MTRES1: variants seen among roughly 807,000 people sequenced by gnomAD.
MTRES1 encodes mitochondrial transcription rescue factor 1, also known as uncharacterized protein C6orf203.
In MTRES1, 11 loss-of-function variants were observed where a neutral mutation model predicts 17.4. The ratio of observed to expected loss-of-function variants is 0.63; its 90% CI spans 0.40 to 1.05. The LOEUF is 1.05. MTRES1 is among the 50% of genes least tolerant of loss of function. The pLI is 0.00. For synonymous variants in MTRES1, 94 were observed against 99.6 expected, an observed-to-expected ratio of 0.94 and a Z score of 0.34; for missense variants, 268 against 276.2, an observed-to-expected ratio of 0.97 and a Z score of 0.21.
chr6:107,042,740 A>G (rs1486412617), intron 2 of MTRES1, among the ~76,000 whole-genome samples: 1 of 152,122 alleles, frequency 6.6e-6, no homozygotes, highest in Non-Finnish European at 1.5e-5. Flanking sequence ...AGGGGAAGGA[A>G]GTGCCCACTC....
In MTRES1 at chr6:107,048,762, C is replaced by T. The variant is rs191207475; in HGVS notation, c.544-2295C>T. Among the ~76,000 whole-genome samples the T allele has an allele frequency of 1.8e-4, 24 of 130,396 alleles. 1 individual carries two copies. Among genetic ancestry groups the T allele is most frequent in the African/African-American group, 3.2e-4 (11 of 34,580 alleles). 85.5% of individuals were successfully genotyped at this position (130,396 alleles called of 152,430 possible). On this transcript the variant is annotated intron_variant, in intron 3 of 3. Transcript: ENST00000311381. ...ACCACTGCACTCCAGCCTGGTGACA[C>T]GGTGAGACTCCATGTCAAAAAAAAA...
intron 1 of MTRES1, among the ~76,000 whole-genome samples, chr6:107,036,318 C>T (rs1554226929): frequency 2.0e-5 from 3 of 151,924 alleles, no homozygotes; most frequent in Non-Finnish European, 1.5e-5. Flanking sequence ...CTGAGGCGGA[C>T]AGATCACCTG....
At chr6:107,040,467 G>C (rs782440632) in intron 2 of MTRES1, 3 of 315,110 alleles carry the variant, frequency 9.5e-6, no homozygotes, top group Non-Finnish European at 1.2e-5. Flanking sequence ...TTGACTGTAA[G>C]ATGAACCATT....
rs190365405 is a variant in MTRES1, at chr6:107,029,727, G to A, written c.-13+1456G>A. Among the ~76,000 whole-genome samples, 10 of 151,332 alleles carry A rather than the reference G, an allele frequency of 6.6e-5. No homozygotes were observed. In the East Asian group the frequency reaches 1.8e-3, roughly 27 times the overall value. ...TTGAACTCCTGGCCTCAAGTGATCC[G>A]CCCGCCTCAGCCTCCCCAAGTACTG... On this transcript the variant is annotated intron_variant, in intron 1 of 3. Coordinates refer to ENST00000311381, the MANE Select transcript of MTRES1 (RefSeq NM_016487.5).
intron 1 of MTRES1, among the ~76,000 whole-genome samples, chr6:107,038,454 T>G (rs1472443493): frequency 2.0e-5 from 3 of 152,168 alleles, no homozygotes; most frequent in African/African-American, 7.2e-5. Context: ...AGGAGTTGAT[T>G]GCCCTCTGAC....
chr6:107,049,233 C>A (rs1210755099), intron 3 of MTRES1, among the ~76,000 whole-genome samples: 5 of 152,046 alleles, frequency 3.3e-5, no homozygotes, highest in African/African-American at 1.2e-4. Flanking sequence ...AACAGAAGCC[C>A]TCTAGTAGCC....
intron 1 of MTRES1, among the ~76,000 whole-genome samples, chr6:107,035,924 C>CCTCCCA: frequency 6.6e-6 from 1 of 152,188 alleles, no homozygotes; most frequent in South Asian, 2.1e-4. Context: ...GCTGGGATTA[C>CCTCCCA]AGGTGTGAAC....
intron 3 of MTRES1, 57 bp from the exon 4 acceptor site, chr6:107,051,000 G>A (rs1774584945): frequency 5.7e-6 from 8 of 1,414,574 alleles, no homozygotes; most frequent in South Asian, 4.9e-5. Flanking sequence ...AGTAATGTTT[G>A]CATTGGCCTG....
Position 107,040,218 on chromosome 6 carries a change from A to G in MTRES1, c.458A>G (p.Asp153Gly), listed in dbSNP as rs782598736. The G allele has an allele frequency of 1.9e-6, 3 of 1,588,814 alleles. No homozygotes were observed. Among genetic ancestry groups the G allele is most frequent in the Middle Eastern group, 1.7e-4 (1 of 5,932 alleles). Residue 153 changes from aspartate (D) to glycine (G), a missense_variant, in exon 2 of 4, where the codon GAT becomes GGT. Transcript: ENST00000311381. ...GATGTTGTCCTGAAGACGGGGCTAG[A>G]TATTGGGAGAAAGTGAGTATGATAC... is the stretch of plus-strand genomic sequence containing the variant. ...RYDVVLKTGLDIGRNKVEDAF... is the reference protein window; with the variant it reads ...RYDVVLKTGLGIGRNKVEDAF...
At chr6:107,050,017 G>A (rs1395934231) in intron 3 of MTRES1, among the ~76,000 whole-genome samples, 2 of 152,124 alleles carry the variant, frequency 1.3e-5, no homozygotes, top group Admixed American at 6.6e-5. Context: ...CACTGTGCTC[G>A]GCCCTGTTTG....
intron 1 of MTRES1, 87 bp from the exon 2 acceptor site, chr6:107,039,662 A>AG: frequency 7.2e-7 from 1 of 1,385,548 alleles, no homozygotes; most frequent in South Asian, 1.4e-5. Context: ...TACTGTACAT[A>AG]AAGCGTTCAT....
chr6:107,041,675 A>G (rs992390117), intron 2 of MTRES1, among the ~76,000 whole-genome samples: 2 of 151,900 alleles, frequency 1.3e-5, no homozygotes, highest in Admixed American at 6.6e-5. Flanking sequence ...ACAGGCGCCC[A>G]CCACCACGCC....
chr6:107,043,507 T>C (rs1554228032), intron 2 of MTRES1, among the ~76,000 whole-genome samples: 1 of 152,176 alleles, frequency 6.6e-6, no homozygotes, highest in East Asian at 1.9e-4. Context: ...ACTTAACTAC[T>C]AATATAGCCT....
chr6:107,028,933 C>T, intron 1 of MTRES1: 1 of 954,352 alleles, frequency 1.0e-6, no homozygotes, highest in Non-Finnish European at 1.2e-6. Flanking sequence ...AGGTCACTTC[C>T]CAGGGTCCAT....
At chr6:107,035,539 G>A (rs1773979990) in intron 1 of MTRES1, among the ~76,000 whole-genome samples, 1 of 152,108 alleles carries the variant, frequency 6.6e-6, no homozygotes, top group African/African-American at 2.4e-5. Context: ...GTGGTTGGGA[G>A]AGTATGAGAG....
intron 2 of MTRES1, 62 bp from the exon 3 acceptor site, chr6:107,044,198 T>G: frequency 8.7e-7 from 1 of 1,152,674 alleles, no homozygotes; most frequent in Admixed American, 1.7e-5. Context: ...AGTGATGAAG[T>G]CTGGGCTTGA....
At chr6:107,050,989 C>T (rs2114978369) in intron 3 of MTRES1, 68 bp from the exon 4 acceptor site, 1 of 1,286,206 alleles carries the variant, frequency 7.8e-7, no homozygotes, top group East Asian at 2.3e-5. Flanking sequence ...AAACTCAGAG[C>T]AGTAATGTTT....
chr6:107,030,018 C>T (rs956148722), intron 1 of MTRES1: 1 of 712,300 alleles, frequency 1.4e-6, no homozygotes, highest in Non-Finnish European at 2.6e-6. Context: ...CCTGTTTCCC[C>T]TACTAGACTA....
chr6:107,039,322 G>GT (rs1774108754), intron 1 of MTRES1, among the ~76,000 whole-genome samples: 2 of 151,436 alleles, frequency 1.3e-5, no homozygotes, highest in South Asian at 2.1e-4. Flanking sequence ...TTGTTTTTTG[G>GT]TTTTTTTTAA....
Sources: gnomAD v4.1 joint callset for allele counts (sites outside exome capture counted in the v4.1 genomes callset) on GRCh38, gnomAD v4.1.1 for gene constraint, MANE v1.5 for transcripts, NCBI Gene and HGNC (gene_info 2026-07-23, HGNC 2026-07-21) for gene names.